Variants in HDAC4 observed in about 807,000 individuals in gnomAD.
The protein encoded by HDAC4 is histone deacetylase 4, also known as histone deacetylase A.
In HDAC4, 16 loss-of-function variants were observed where a neutral mutation model predicts 135.1. That is an observed-to-expected ratio of 0.12 (90% CI 0.08 to 0.18). HDAC4 has a LOEUF of 0.18. Among genes scored for constraint, HDAC4 ranks in the 10% least tolerant of loss-of-function variants. The pLI is 1.00. For missense variants in HDAC4, 1,143 were observed against 1,511.8 expected, an observed-to-expected ratio of 0.76 and a Z score of 4.05; for synonymous variants, 685 against 653.4, an observed-to-expected ratio of 1.05 and a Z score of -0.74.
chr2:239,214,039 T>G (rs909731046), intron 3 of HDAC4, among the ~76,000 whole-genome samples: 2 of 152,244 alleles, frequency 1.3e-5, no homozygotes, highest in African/African-American at 2.4e-5. Context: ...GTTAGCTTCT[T>G]GTGCTTGATG....
At chr2:239,302,852 A>G (rs2052348817) in intron 2 of HDAC4, among the ~76,000 whole-genome samples, 2 of 152,258 alleles carry the variant, frequency 1.3e-5, no homozygotes, top group Non-Finnish European at 2.9e-5. Context: ...GAGTCTCTCA[A>G]GTTAGGCTCT....
At chr2:239,184,200 G>GGA (rs2044340415) in intron 4 of HDAC4, among the ~76,000 whole-genome samples, 1 of 152,232 alleles carries the variant, frequency 6.6e-6, no homozygotes, top group Admixed American at 6.5e-5. Context: ...ACCAGTGCAG[G>GGA]GAGAGAGGGT....
At chr2:239,357,650 G>A (rs1223830643) in intron 1 of HDAC4, among the ~76,000 whole-genome samples, 3 of 151,652 alleles carry the variant, frequency 2.0e-5, no homozygotes, top group South Asian at 4.2e-4. Flanking sequence ...TTGGGAGGCC[G>A]AGGTGGGGGG....
At chr2:239,168,612 T>C (rs1490682550) in intron 5 of HDAC4, among the ~76,000 whole-genome samples, 4 of 152,184 alleles carry the variant, frequency 2.6e-5, no homozygotes, top group Admixed American at 2.0e-4. Context: ...TGTTTTCAAA[T>C]GCTTAGATGC....
intron 2 of HDAC4, among the ~76,000 whole-genome samples, chr2:239,345,852 TCAAA>T (rs550602563): frequency 9.7e-5 from 12 of 123,318 alleles, no homozygotes; most frequent in East Asian, 7.6e-4. Flanking sequence ...ACACATGCAC[TCAAA>T]CACACACACC....
Position 239,225,552 on chromosome 2 carries a change from G to A in HDAC4, c.94+11041C>T, listed in dbSNP as rs566182136. 2.6e-5 allele frequency among the ~76,000 whole-genome samples: 4 copies of A among 152,352 alleles called. No homozygotes were observed. The South Asian group carries it at 8.3e-4, about 32-fold the overall frequency. On this transcript the variant is annotated intron_variant, in intron 3 of 26. Transcript: ENST00000543185. Reference sequence around the variant, plus strand: ...TGAGAAACACCTGGATGGAGGGGTGGAGCCTGGCTGGGCTCAAGAGCAGGA... The same window carrying A: ...TGAGAAACACCTGGATGGAGGGGTGAAGCCTGGCTGGGCTCAAGAGCAGGA...
chr2:239,384,013 G>A (rs888438870), intron 1 of HDAC4, among the ~76,000 whole-genome samples: 13 of 152,324 alleles, frequency 8.5e-5, no homozygotes, highest in African/African-American at 2.2e-4. Flanking sequence ...GTAACGAGGC[G>A]CAGTCCACTC....
intron 6 of HDAC4, among the ~76,000 whole-genome samples, chr2:239,158,358 AAAAAGAT>A: frequency 6.6e-6 from 1 of 152,324 alleles, no homozygotes; most frequent in East Asian, 1.9e-4. Context: ...CCCACGAGTT[AAAAAGAT>A]CAGTATTTAC....
intron 2 of HDAC4, among the ~76,000 whole-genome samples, chr2:239,280,786 A>T (rs1321697397): frequency 5.3e-5 from 8 of 151,420 alleles, no homozygotes; most frequent in Non-Finnish European, 1.0e-4. Context: ...CCACTCTACA[A>T]TGAACACACC....
intron 21 of HDAC4, 99 bp from the exon 22 acceptor site, chr2:239,081,291 G>C: frequency 2.0e-6 from 2 of 988,090 alleles, no homozygotes; most frequent in Non-Finnish European, 3.1e-6. Flanking sequence ...GCTCGGCCTT[G>C]GTGGGCCCCT....
intron 1 of HDAC4, among the ~76,000 whole-genome samples, chr2:239,392,194 G>A (rs1407778432): frequency 2.0e-5 from 3 of 152,236 alleles, no homozygotes; most frequent in South Asian, 2.1e-4. Context: ...GCCAGCAACC[G>A]AGCTACGCTG....
chr2:239,060,459 A>G (rs1464583830), intron 24 of HDAC4, among the ~76,000 whole-genome samples: 1 of 152,230 alleles, frequency 6.6e-6, no homozygotes, highest in Non-Finnish European at 1.5e-5. Flanking sequence ...GAACTTCACA[A>G]GGAGGGAAAG....
chr2:239,102,665 ACCTGGCAGGCGACACCCACAGGTG>A, intron 16 of HDAC4, 87 bp downstream of exon 16: 2 of 1,260,964 alleles, frequency 1.6e-6, no homozygotes, highest in South Asian at 2.5e-5. Flanking sequence ...TTACCTTATA[ACCTGGCAGGCGACACCCACAGGTG>A]CCCCAGACAC....
At chr2:239,283,257 C>T (rs1273141670) in intron 2 of HDAC4, among the ~76,000 whole-genome samples, 1 of 152,188 alleles carries the variant, frequency 6.6e-6, no homozygotes, top group Non-Finnish European at 1.5e-5. Flanking sequence ...AAAGGCCTCT[C>T]TGAGGAACTG....
Position 239,115,006 on chromosome 2 carries a change from G to T in HDAC4, c.1791+47C>A, listed in dbSNP as rs1332960414. 1 of 1,601,054 alleles carries T rather than the reference G, an allele frequency of 6.2e-7. No homozygotes were observed. Among genetic ancestry groups the T allele is most frequent in the Non-Finnish European group, 8.5e-7 (1 of 1,177,872 alleles). ...AGAAGATGCCACCTGGGGACCGAGG[G>T]TGGCTGTGCGTGCCAGCCTTCTGGT... On this transcript the variant is annotated intron_variant, in intron 13 of 26. Coordinates refer to ENST00000543185, the MANE Select transcript of HDAC4 (RefSeq NM_001378414.1). The surrounding 1 kb of genome is among the most constrained non-coding windows in gnomAD (Gnocchi z 6.3).
At chr2:239,273,639 G>A (rs1363276367) in intron 2 of HDAC4, among the ~76,000 whole-genome samples, 5 of 152,140 alleles carry the variant, frequency 3.3e-5, no homozygotes, top group East Asian at 1.9e-4. Context: ...GCCCCGGTCC[G>A]GCGCAGGCTC....
At chr2:239,346,223 T>C (rs1013365474) in intron 2 of HDAC4, among the ~76,000 whole-genome samples, 29 of 146,756 alleles carry the variant, frequency 2.0e-4, no homozygotes, top group African/African-American at 7.3e-4. Context: ...CACACACATA[T>C]CCTGTCTAAA....
chr2:239,114,409 C>T (rs1008062930), intron 13 of HDAC4, among the ~76,000 whole-genome samples: 1 of 152,208 alleles, frequency 6.6e-6, no homozygotes, highest in Non-Finnish European at 1.5e-5. Context: ...CCTGAGGGCA[C>T]TCTAGCTGCA....
chr2:239,338,356 C>T (rs1344671860), intron 2 of HDAC4, among the ~76,000 whole-genome samples: 1 of 152,112 alleles, frequency 6.6e-6, no homozygotes, highest in South Asian at 2.1e-4. Context: ...CCTCTCCTCC[C>T]GCTTCCCTTC....
Sources: allele counts gnomAD v4.1 joint callset (sites outside exome capture counted in the v4.1 genomes callset), GRCh38; gene constraint gnomAD v4.1.1; non-coding constraint Gnocchi (gnomAD v3.1); transcripts MANE v1.5; gene names NCBI Gene and HGNC (gene_info 2026-07-23, HGNC 2026-07-21).